The following EXOC6B variants were observed in gnomAD, a reference collection of about 807,000 sequenced individuals.
EXOC6B encodes exocyst complex component 6B.
In EXOC6B, 54 loss-of-function variants were observed where a neutral mutation model predicts 113.5. The observed-to-expected ratio is 0.48, with a 90% CI of 0.38 to 0.60. The LOEUF is 0.60. Ranked by LOEUF, EXOC6B falls within the 20% of genes least tolerant of loss-of-function variation. The pLI is 0.00. For synonymous variants in EXOC6B, 357 were observed against 339.0 expected (o/e 1.05, Z -0.58); for missense variants, 797 against 977.5 (o/e 0.82, Z 2.46).
At chr2:72,316,774 C>T (rs941592954) in intron 20 of EXOC6B, among the ~76,000 whole-genome samples, 2 of 152,138 alleles carry the variant, frequency 1.3e-5, no homozygotes, top group African/African-American at 4.8e-5. Flanking sequence ...CAAGTAATTA[C>T]AAGAGCATTT....
chr2:72,424,669 C>T (rs1288248652), intron 18 of EXOC6B, among the ~76,000 whole-genome samples: 1 of 151,842 alleles, frequency 6.6e-6, no homozygotes, highest in African/African-American at 2.4e-5. Flanking sequence ...ATAAATTTTC[C>T]TTGAAGTATG....
chr2:72,573,633 T>G (rs1704644267), intron 7 of EXOC6B, among the ~76,000 whole-genome samples: 1 of 152,206 alleles, frequency 6.6e-6, no homozygotes, highest in African/African-American at 2.4e-5. Context: ...TTAAGAGCTA[T>G]TAAGAGTTCT....
chr2:72,289,011 C>T (rs1050064252), intron 20 of EXOC6B: 15 of 264,766 alleles, frequency 5.7e-5, no homozygotes, highest in African/African-American at 2.3e-4. Flanking sequence ...ATAATAATCC[C>T]GCCAGTTTAG....
At chr2:72,492,477 T>C in intron 15 of EXOC6B, 48 bp from the exon 16 acceptor site, 1 of 1,237,380 alleles carries the variant, frequency 8.1e-7, no homozygotes, top group Non-Finnish European at 1.2e-6. Flanking sequence ...GCAGAATTAT[T>C]TCGGCAAACA....
intron 20 of EXOC6B, among the ~76,000 whole-genome samples, chr2:72,291,887 G>A: frequency 6.6e-6 from 1 of 152,170 alleles, no homozygotes; most frequent in East Asian, 1.9e-4. Flanking sequence ...ACGCTTAACA[G>A]TGCAAAAGTC....
intron 18 of EXOC6B, among the ~76,000 whole-genome samples, chr2:72,397,002 A>C (rs563305748): frequency 6.6e-6 from 1 of 152,152 alleles, no homozygotes; most frequent in East Asian, 1.9e-4. Flanking sequence ...TTTTCAAAAT[A>C]TGTTGCCTTT....
At chr2:72,518,554 G>A (rs1000570526) in intron 8 of EXOC6B, among the ~76,000 whole-genome samples, 2 of 151,322 alleles carry the variant, frequency 1.3e-5, no homozygotes, top group East Asian at 1.9e-4. Flanking sequence ...AAGCTTCTTC[G>A]AAAAATGATG....
intron 20 of EXOC6B, among the ~76,000 whole-genome samples, chr2:72,321,606 A>C (rs941409406): frequency 2.6e-5 from 4 of 152,122 alleles, no homozygotes; most frequent in Admixed American, 2.6e-4. Context: ...CACCATGCTA[A>C]GTGAAAGAAG....
intron 18 of EXOC6B, among the ~76,000 whole-genome samples, chr2:72,419,518 T>A (rs2105254877): frequency 6.6e-6 from 1 of 152,306 alleles, no homozygotes. Context: ...AGCTTTTGTT[T>A]ATGTGGGGAT....
intron 6 of EXOC6B, among the ~76,000 whole-genome samples, chr2:72,585,318 C>A (rs556265363): frequency 2.6e-5 from 4 of 152,226 alleles, no homozygotes; most frequent in African/African-American, 9.6e-5. Flanking sequence ...ACAAAGATGG[C>A]CAGGTGCAGT....
At chr2:72,735,715 C>A (rs1680904906) in intron 2 of EXOC6B, among the ~76,000 whole-genome samples, 1 of 151,818 alleles carries the variant, frequency 6.6e-6, no homozygotes, top group African/African-American at 2.4e-5. Flanking sequence ...ACTTGGGAGG[C>A]TGAGGCAGGA....
intron 1 of EXOC6B, among the ~76,000 whole-genome samples, chr2:72,770,395 A>T (rs539344091): frequency 2.0e-5 from 3 of 152,204 alleles, no homozygotes; most frequent in Admixed American, 6.5e-5. Flanking sequence ...AAAATGTTTC[A>T]TAATACCAAA....
chr2:72,550,862 C>A (rs956987583), intron 8 of EXOC6B, among the ~76,000 whole-genome samples: 4 of 151,778 alleles, frequency 2.6e-5, no homozygotes, highest in Admixed American at 6.6e-5. Flanking sequence ...CTGTGTCTAA[C>A]CATTAGCATC....
chr2:72,693,855 TC>T (rs1428099122), intron 6 of EXOC6B, among the ~76,000 whole-genome samples: 1 of 151,984 alleles, frequency 6.6e-6, no homozygotes, highest in African/African-American at 2.4e-5. Flanking sequence ...TTTTTTTTTT[TC>T]CTTGTGCCAC....
At chr2:72,659,291 C>T (rs1674834067) in intron 6 of EXOC6B, among the ~76,000 whole-genome samples, 1 of 152,040 alleles carries the variant, frequency 6.6e-6, no homozygotes, top group South Asian at 2.1e-4. Flanking sequence ...GTCATGGGAT[C>T]TCTTGCAAGT....
chr2:72,518,704 T>C (rs1369320750), intron 8 of EXOC6B, among the ~76,000 whole-genome samples: 1 of 152,148 alleles, frequency 6.6e-6, no homozygotes, highest in Non-Finnish European at 1.5e-5. Flanking sequence ...AAGTTCTCCA[T>C]GGCTGGAACT....
intron 20 of EXOC6B, among the ~76,000 whole-genome samples, chr2:72,211,770 A>G (rs965865550): frequency 6.6e-6 from 1 of 152,198 alleles, no homozygotes; most frequent in Admixed American, 6.5e-5. Context: ...AGATAAAAGT[A>G]TATTTGTTTT....
chr2:72,672,046 G>A (rs892099126), intron 6 of EXOC6B, among the ~76,000 whole-genome samples: 2 of 152,004 alleles, frequency 1.3e-5, no homozygotes, highest in African/African-American at 4.8e-5. Flanking sequence ...GAATAGCAGG[G>A]TGCTGGCAAG....
intron 20 of EXOC6B, among the ~76,000 whole-genome samples, chr2:72,322,709 C>T (rs909031276): frequency 1.3e-5 from 2 of 151,964 alleles, no homozygotes; most frequent in Admixed American, 6.6e-5. Context: ...ATCTGATATT[C>T]GACAAACCTG....
Sources: allele counts gnomAD v4.1 joint callset (sites outside exome capture counted in the v4.1 genomes callset), GRCh38; gene constraint gnomAD v4.1.1; transcripts MANE v1.5; gene names NCBI Gene and HGNC (gene_info 2026-07-23, HGNC 2026-07-21).